ADGRB1: variants seen among roughly 807,000 people sequenced by gnomAD.
The protein encoded by ADGRB1 is brain-specific angiogenesis inhibitor 1.
A neutral mutation model predicts 175.7 loss-of-function variants in ADGRB1; 36 were observed. The ratio of observed to expected loss-of-function variants is 0.20; its 90% CI spans 0.16 to 0.27. The LOEUF is 0.27. Among genes scored for constraint, ADGRB1 ranks in the 10% least tolerant of loss-of-function variants. The pLI is 1.00. For missense variants in ADGRB1, 1,731 were observed against 2,255.3 expected (o/e 0.77, Z 4.71); for synonymous variants, 1,054 against 979.4 (o/e 1.08, Z -1.42).
chr8:142,525,719 CA>C (rs1387647705), intron 23 of ADGRB1, among the ~76,000 whole-genome samples: 1 of 152,170 alleles, frequency 6.6e-6, no homozygotes, highest in Non-Finnish European at 1.5e-5. Context: ...AATGCCTGGT[CA>C]GGGGTCCATG....
intron 27 of ADGRB1, 159 bp downstream of exon 27, chr8:142,539,572 G>A (rs1271801127): frequency 4.5e-6 from 4 of 892,196 alleles, no homozygotes; most frequent in Admixed American, 2.2e-5. Flanking sequence ...GGACCCAGGG[G>A]ACCTGCCCTG....
At position 142,543,580 on chromosome 8, in the gene ADGRB1, C is replaced by T; in HGVS notation, c.4450-21C>T. On this transcript the variant is annotated intron_variant, in intron 29 of 30. Transcript: ENST00000517894. The surrounding 1 kb of genome is among the most constrained non-coding windows in gnomAD (Gnocchi z 4.4). ...TGCCCTCCTCCTGGCCCAGGACTCA[C>T]TGCCCAGACCCCGCCTGCAGAAGAT... 6.4e-7 allele frequency: 1 copy of T among 1,570,132 alleles called. No individual in the cohort carries two copies. Among genetic ancestry groups the T allele is most frequent in the South Asian group, 1.2e-5 (1 of 86,176 alleles).
chr8:142,481,424 C>G (rs939141697), intron 10 of ADGRB1, 64 bp downstream of exon 10: 2 of 1,602,392 alleles, frequency 1.2e-6, no homozygotes, highest in African/African-American at 2.7e-5. Context: ...CAGGTTGGGA[C>G]CCTGCAGAGG....
intron 17 of ADGRB1, among the ~76,000 whole-genome samples, chr8:142,509,954 A>G (rs1025825171): frequency 6.6e-6 from 1 of 152,148 alleles, no homozygotes; most frequent in Non-Finnish European, 1.5e-5. Context: ...CCCAGCAGGC[A>G]GGAAGGCAGG....
At chr8:142,539,168 G>T (rs552752904) in intron 26 of ADGRB1, among the ~76,000 whole-genome samples, 1 of 152,030 alleles carries the variant, frequency 6.6e-6, no homozygotes, top group Non-Finnish European at 1.5e-5. Context: ...ACTCACACAC[G>T]CATCCACCCA....
chr8:142,495,869 TGATGGATG>T (rs1842187343), intron 17 of ADGRB1, among the ~76,000 whole-genome samples: 1 of 144,032 alleles, frequency 6.9e-6, no homozygotes, highest in African/African-American at 2.6e-5. Context: ...GAGAAGTGGA[TGATGGATG>T]GATGGATGAG....
chr8:142,502,217 G>T (rs1224622197), intron 17 of ADGRB1, among the ~76,000 whole-genome samples: 2 of 69,938 alleles, frequency 2.9e-5, no homozygotes, highest in Admixed American at 1.4e-4. Flanking sequence ...TGGTGGTGGT[G>T]ATGGTGATAG....
chr8:142,536,223 C>G (rs1844914337), intron 25 of ADGRB1, among the ~76,000 whole-genome samples: 1 of 130,526 alleles, frequency 7.7e-6, no homozygotes, highest in Non-Finnish European at 1.6e-5. Flanking sequence ...CCACCACCCC[C>G]AAGGATTCCC....
At chr8:142,524,991 C>T (rs576894653) in intron 23 of ADGRB1, among the ~76,000 whole-genome samples, 106 of 152,244 alleles carry the variant, frequency 7.0e-4, no homozygotes, top group African/African-American at 2.5e-3. Context: ...ACCCTCACAT[C>T]CCCTCCCCTC....
chr8:142,517,136 G>T (rs1843492954), intron 18 of ADGRB1, among the ~76,000 whole-genome samples: 2 of 152,164 alleles, frequency 1.3e-5, no homozygotes, highest in South Asian at 4.1e-4. Flanking sequence ...GGGGGCCTGG[G>T]GGGCTCGGGA....
At position 142,542,301 on chromosome 8, in the gene ADGRB1, G is replaced by A. The variant is rs765301142; in HGVS notation, c.4067G>A (p.Arg1356Gln). 8 of 1,613,062 alleles carry A rather than the reference G, an allele frequency of 5.0e-6. No homozygotes were observed. The East Asian group carries it at 6.7e-5, about 13-fold the overall frequency. The change falls in exon 28 of 31, where the codon CGG becomes CAG. Residue 1356 changes from arginine to glutamine, a missense_variant. Physicochemically the swap from Arg to Gln is conservative, Grantham distance 43. Transcript: ENST00000517894. This position sits in a 1 kb window ranked among gnomAD's most constrained non-coding sequence, Gnocchi z 6.3. ...VILPTATATL[R>Q]PKPKEEPKYS... is the part of the protein sequence containing the mutation. ...CTGCCCACGGCCACGGCCACGCTGCGGCCCAAGCCCAAGGAGGAGCCCAAG... is the reference window on the plus strand; with the variant it reads ...CTGCCCACGGCCACGGCCACGCTGCAGCCCAAGCCCAAGGAGGAGCCCAAG...
At position 142,464,076 on chromosome 8, in the gene ADGRB1, C is replaced by T; in HGVS notation, c.-123C>T. 2 of 536,926 alleles carry T rather than the reference C, an allele frequency of 3.7e-6. No individual in the cohort carries two copies. The highest frequency in any genetic ancestry group is 5.1e-6 in the Non-Finnish European group (2 of 392,440). 33.3% of individuals were successfully genotyped at this position (536,926 alleles called of 1,614,324 possible). ...TGAAGCGGGGCCCTCTCCCATCCCA[C>T]CCTTGCCCCGCCTCCCTGCCCCCAC... On this transcript the variant is annotated 5_prime_UTR_variant, in exon 2 of 31. Coordinates refer to ENST00000517894, the MANE Select transcript of ADGRB1 (RefSeq NM_001702.3).
At position 142,543,791 on chromosome 8, in the gene ADGRB1, C is replaced by T; in HGVS notation, c.4557+83C>T. 8.6e-6 allele frequency: 9 copies of T among 1,041,034 alleles called. No homozygotes were observed. The highest frequency in any genetic ancestry group is 2.5e-4 in the Middle Eastern group (1 of 4,064). The allele number at this position is 1,041,034 out of a possible 1,614,324, so 64.5% of individuals were successfully genotyped here. On this transcript the variant is annotated intron_variant, in intron 30 of 30. Transcript: ENST00000517894. This position sits in a 1 kb window ranked among gnomAD's most constrained non-coding sequence, Gnocchi z 4.4. ...CCTTCTTCCCTGGATTTGTGCACTT[C>T]ATCCATCCATCCATCCATCCATCCA...
chr8:142,483,268 G>A (rs1269428221), intron 11 of ADGRB1, among the ~76,000 whole-genome samples: 1 of 140,660 alleles, frequency 7.1e-6, no homozygotes, highest in East Asian at 2.3e-4. Flanking sequence ...CCCTGATCCT[G>A]GTCACACTGA....
chr8:142,454,720 C>T (rs1839557780), intron 1 of ADGRB1, among the ~76,000 whole-genome samples: 2 of 152,160 alleles, frequency 1.3e-5, no homozygotes, highest in Admixed American at 1.3e-4. Flanking sequence ...TCCCCCTTCC[C>T]CCGCAAAGCA....
At position 142,474,236 on chromosome 8, in the gene ADGRB1, C is replaced by T. The variant is rs538854538; in HGVS notation, c.785-1238C>T. On this transcript the variant is annotated intron_variant, in intron 2 of 30. Coordinates refer to ENST00000517894, the MANE Select transcript of ADGRB1 (RefSeq NM_001702.3). This position sits in a 1 kb window ranked among gnomAD's most constrained non-coding sequence, Gnocchi z 5.8. ...TTCTGGTGGGTCGGGGTGGCCTGTG[C>T]TTGGCCTGATTGCTGCCCCTGGGGC... Among the ~76,000 whole-genome samples, 100 of 152,198 alleles carry T rather than the reference C, an allele frequency of 6.6e-4. No individual in the cohort carries two copies. The highest frequency in any genetic ancestry group is 2.0e-3 in the African/African-American group (84 of 41,552).
At chr8:142,465,472 G>A (rs1840225493) in intron 2 of ADGRB1, among the ~76,000 whole-genome samples, 1 of 152,172 alleles carries the variant, frequency 6.6e-6, no homozygotes, top group South Asian at 2.1e-4. Flanking sequence ...TGCGTGGAAG[G>A]GTCGGCAGGT....
At position 142,542,184 on chromosome 8, in the gene ADGRB1, C is replaced by G. The variant is rs1444125619; in HGVS notation, c.3950C>G (p.Ser1317Cys). 6.2e-7 allele frequency: 1 copy of G among 1,613,618 alleles called. No individual in the cohort carries two copies. Among genetic ancestry groups the G allele is most frequent in the Non-Finnish European group, 8.5e-7 (1 of 1,179,844 alleles). The change falls in exon 28 of 31, where the codon TCC becomes TGC. Residue 1317 changes from serine to cysteine, a missense_variant. By Grantham distance (112) the Ser-to-Cys change is moderately radical (BLOSUM62 -1). Coordinates refer to ENST00000517894, the MANE Select transcript of ADGRB1 (RefSeq NM_001702.3). This position sits in a 1 kb window ranked among gnomAD's most constrained non-coding sequence, Gnocchi z 6.3. ...CTCAAGAGGGACAAGGCGCCCAAGT[C>G]CTCCTTCGTCGGTGACGGGGACATC... is the stretch of plus-strand genomic sequence containing the variant. The part of the protein sequence containing the change: ...LTLKRDKAPK[S>C]SFVGDGDIFK...
rs1843042337 is a variant in ADGRB1, at chr8:142,510,633, G to GCCAGCTCTCGCCCCCCGCC, written c.2676-296_2676-278dup. 6.9e-6 allele frequency among the ~76,000 whole-genome samples: 1 copy of GCCAGCTCTCGCCCCCCGCC among 145,928 alleles called. No homozygotes were observed. The highest frequency in any genetic ancestry group is 2.5e-5 in the African/African-American group (1 of 40,692). ...GGGGCGGGCGACTGCCGGGCCCCGG[G>GCCAGCTCTCGCCCCCCGCC]CCAGCTCTCGCCCCCCGCCCCGCCC... On this transcript the variant is annotated intron_variant, in intron 17 of 30. Coordinates refer to ENST00000517894, the MANE Select transcript of ADGRB1 (RefSeq NM_001702.3). The surrounding 1 kb of genome is among the most constrained non-coding windows in gnomAD (Gnocchi z 6.3).
Sources: gnomAD v4.1 joint callset for allele counts (sites outside exome capture counted in the v4.1 genomes callset) on GRCh38, gnomAD v4.1.1 for gene constraint, Gnocchi (gnomAD v3.1) non-coding constraint, MANE v1.5 for transcripts, NCBI Gene and HGNC (gene_info 2026-07-23, HGNC 2026-07-21) for gene names.